The following TNR variants were observed in gnomAD, a reference collection of about 807,000 sequenced individuals.
TNR encodes the protein tenascin-R.
A neutral mutation model predicts 150.4 loss-of-function variants in TNR; 45 were observed. The observed-to-expected ratio is 0.30, with a 90% CI of 0.24 to 0.38. The LOEUF (loss-of-function observed/expected upper bound fraction) is 0.38. TNR is among the 10% of genes least tolerant of loss of function. TNR has a pLI of 1.00. For missense variants in TNR, 1,544 were observed against 1,759.1 expected (o/e 0.88, Z 2.19); for synonymous variants, 687 against 678.4 (o/e 1.01, Z -0.20).
At chr1:175,695,128 AAGG>A (rs1666476039) in intron 1 of TNR, among the ~76,000 whole-genome samples, 1 of 152,216 alleles carries the variant, frequency 6.6e-6, no homozygotes, top group African/African-American at 2.4e-5. Flanking sequence ...TAGAAGGGAT[AAGG>A]TGTAACTTCC....
intron 2 of TNR, among the ~76,000 whole-genome samples, chr1:175,440,882 T>C (rs557036047): frequency 6.6e-6 from 1 of 152,226 alleles, no homozygotes; most frequent in East Asian, 1.9e-4. Context: ...CTGGTGTCCT[T>C]AAGTAGGAGA....
chr1:175,491,871 G>A (rs567792439), intron 2 of TNR, among the ~76,000 whole-genome samples: 13 of 151,614 alleles, frequency 8.6e-5, no homozygotes, highest in Admixed American at 3.9e-4. Context: ...GGATGGTCTC[G>A]ATCTCCTGAC....
chr1:175,512,460 A>G (rs1659227841), intron 2 of TNR, among the ~76,000 whole-genome samples: 1 of 152,222 alleles, frequency 6.6e-6, no homozygotes, highest in African/African-American at 2.4e-5. Context: ...TATCTACCAA[A>G]CAAGTGATGA....
chr1:175,669,075 A>T (rs1336678911), intron 1 of TNR, among the ~76,000 whole-genome samples: 2 of 152,226 alleles, frequency 1.3e-5, no homozygotes, highest in African/African-American at 2.4e-5. Flanking sequence ...CTCCTTTGTC[A>T]GAATCCAATC....
At position 175,517,049 on chromosome 1, in the gene TNR, GAGAGAGAGAA is replaced by G. The variant is rs1178383654; in HGVS notation, c.-64+11210_-64+11219del. Among the ~76,000 whole-genome samples, 310 of 144,738 alleles carry G rather than the reference GAGAGAGAGAA, an allele frequency of 2.1e-3. 2 individuals are homozygous for G. The highest frequency in any genetic ancestry group is 6.7e-3 in the African/African-American group (248 of 37,104). The allele number at this position is 144,738 out of a possible 152,430, so 95.0% of individuals were successfully genotyped here. A position where few individuals can be genotyped will look rare whatever the true frequency, so the allele number is the denominator to read the frequency against. ...AGAGAGAGAGAGAGAGAGAGAGAGA[GAGAGAGAGAA>G]AGAGAGAGAGACCTTCAAATACAGC... is the stretch of plus-strand genomic sequence containing the variant. On this transcript the variant is annotated intron_variant, in intron 2 of 22. Transcript: ENST00000367674.
rs570981344 is a variant in TNR, at chr1:175,606,222, G to C, written c.-164-77853C>G. On this transcript the variant is annotated intron_variant, in intron 1 of 22. Transcript: ENST00000367674. ...CTTAACTACCCAGATAAGTCTTCCAGATGACTGTGGGGCCCTCTGTCAAGG... is the reference window on the plus strand; with the variant it reads ...CTTAACTACCCAGATAAGTCTTCCACATGACTGTGGGGCCCTCTGTCAAGG... Among the ~76,000 whole-genome samples the C allele has an allele frequency of 7.9e-5, 12 of 152,272 alleles. No homozygotes were observed. The South Asian group carries it at 2.5e-3, about 32-fold the overall frequency.
At chr1:175,398,047 T>G (rs1486106246) in intron 4 of TNR, among the ~76,000 whole-genome samples, 1 of 152,196 alleles carries the variant, frequency 6.6e-6, no homozygotes, top group East Asian at 1.9e-4. Context: ...CCCTGGGTAA[T>G]CTCACCCCTC....
At position 175,489,406 on chromosome 1, in the gene TNR, G is replaced by T. The variant is rs992117623; in HGVS notation, c.-64+38863C>A. 4.6e-5 allele frequency among the ~76,000 whole-genome samples: 7 copies of T among 152,336 alleles called. No individual in the cohort carries two copies. In the South Asian group the frequency reaches 1.0e-3, roughly 23 times the overall value. The stretch of plus-strand genomic sequence containing the variant: ...TGGGGAAAAGTTAGGGGCTGTTACA[G>T]TCACCTTTAGGGTCTGTACAAAGAA... On this transcript the variant is annotated intron_variant, in intron 2 of 22. Coordinates refer to ENST00000367674, the MANE Select transcript of TNR (RefSeq NM_003285.3).
intron 1 of TNR, among the ~76,000 whole-genome samples, chr1:175,626,273 C>G (rs571353117): frequency 6.6e-6 from 1 of 152,292 alleles, no homozygotes; most frequent in African/African-American, 2.4e-5. Flanking sequence ...TCCCTCTCTT[C>G]TACCATTCCC....
rs140708810 is a variant in TNR, at chr1:175,379,568, G to C, written c.1947C>G (p.Thr649=). Residue 649 remains threonine, a synonymous_variant, in exon 9 of 23, where the codon ACC becomes ACG. Coordinates refer to ENST00000367674, the MANE Select transcript of TNR (RefSeq NM_003285.3). ...CTTACTCACCTGTCAGGGTGGCCCT[G>C]GTGGTTGGACCAATGCCCCTGGGGA... ...VLVPRGIGPT[T]RATLTDLVPG... The C allele has an allele frequency of 1.9e-6, 3 of 1,613,294 alleles. No homozygotes were observed. The African/African-American group carries it at 4.0e-5, about 22-fold the overall frequency.
At chr1:175,671,151 T>C (rs1665685011) in intron 1 of TNR, among the ~76,000 whole-genome samples, 2 of 152,104 alleles carry the variant, frequency 1.3e-5, no homozygotes. Flanking sequence ...CTGGCCAAAG[T>C]TGAGCCCACT....
At chr1:175,466,265 A>G (rs1025920780) in intron 2 of TNR, among the ~76,000 whole-genome samples, 1 of 152,194 alleles carries the variant, frequency 6.6e-6, no homozygotes, top group Admixed American at 6.5e-5. Flanking sequence ...CAGTCTCTGG[A>G]TTCAAATCTC....
intron 1 of TNR, among the ~76,000 whole-genome samples, chr1:175,684,366 G>A (rs550243240): frequency 1.6e-4 from 24 of 152,170 alleles, no homozygotes; most frequent in Non-Finnish European, 3.1e-4. Context: ...ACAGAAAATT[G>A]AGTGAGGAAT....
chr1:175,602,263 C>A (rs961839027), intron 1 of TNR, among the ~76,000 whole-genome samples: 2 of 145,974 alleles, frequency 1.4e-5, no homozygotes, highest in Non-Finnish European at 3.0e-5. Context: ...AAAGGACATG[C>A]GATCTACTCA....
intron 6 of TNR, among the ~76,000 whole-genome samples, chr1:175,392,737 G>T (rs191470331): frequency 8.1e-4 from 123 of 152,232 alleles, no homozygotes; most frequent in Middle Eastern, 3.4e-3. Flanking sequence ...ACAGAGCCCC[G>T]GGATAGGTGG....
chr1:175,459,920 G>A (rs771381390), intron 2 of TNR, among the ~76,000 whole-genome samples: 2 of 152,168 alleles, frequency 1.3e-5, no homozygotes, highest in Non-Finnish European at 2.9e-5. Context: ...CTACTGCAGA[G>A]AGTTCATTTG....
chr1:175,611,373 C>A (rs763697363), intron 1 of TNR, among the ~76,000 whole-genome samples: 1 of 152,008 alleles, frequency 6.6e-6, no homozygotes. Flanking sequence ...TGCTCTGTTG[C>A]CCAGCCTGGA....
chr1:175,547,611 A>AAGAAAGAT (rs1660751623), intron 1 of TNR, among the ~76,000 whole-genome samples: 2 of 17,806 alleles, frequency 1.1e-4, no homozygotes, highest in Non-Finnish European at 3.3e-4. Flanking sequence ...GAAAGAAAGA[A>AAGAAAGAT]ACAAAGAAAC....
At chr1:175,622,865 C>T (rs561181395) in intron 1 of TNR, among the ~76,000 whole-genome samples, 126 of 152,174 alleles carry the variant, frequency 8.3e-4, no homozygotes, top group Non-Finnish European at 1.4e-3. Context: ...TAACTTAAAG[C>T]TTCTTAAGCC....
Sources: gnomAD v4.1 joint callset for allele counts (sites outside exome capture counted in the v4.1 genomes callset) on GRCh38, gnomAD v4.1.1 for gene constraint, MANE v1.5 for transcripts, NCBI Gene and HGNC (gene_info 2026-07-23, HGNC 2026-07-21) for gene names.